PRKN: variants seen among roughly 807,000 people sequenced by gnomAD.
The protein encoded by PRKN is E3 ubiquitin-protein ligase parkin.
A neutral mutation model predicts 59.5 loss-of-function variants in PRKN; 56 were observed. That is an observed-to-expected ratio of 0.94 (90% CI 0.76 to 1.18). The LOEUF (loss-of-function observed/expected upper bound fraction) is 1.18, where lower values mean the gene tolerates loss of function less well. Among genes scored for constraint, PRKN ranks in the 50% most tolerant of loss-of-function variants. The pLI, the probability that PRKN is intolerant of heterozygous loss-of-function variation, is 0.00. For synonymous variants in PRKN, 250 were observed against 222.1 expected, an observed-to-expected ratio of 1.13 and a Z score of -1.12; for missense variants, 657 against 596.4, an observed-to-expected ratio of 1.10 and a Z score of -1.06.
intron 7 of PRKN, among the ~76,000 whole-genome samples, chr6:161,574,048 G>A (rs1230254070): frequency 6.6e-6 from 1 of 151,648 alleles, no homozygotes; most frequent in Non-Finnish European, 1.5e-5. Context: ...TGAAACACCT[G>A]GTAGGTTCAA....
At chr6:162,262,803 A>G in intron 2 of PRKN, 38 bp from the exon 3 acceptor site, 3 of 1,547,842 alleles carry the variant, frequency 1.9e-6, no homozygotes, top group East Asian at 2.3e-5. Flanking sequence ...AAAAAAAAAA[A>G]GGAAATGTCA....
chr6:162,439,232 G>A (rs576118408), intron 2 of PRKN, among the ~76,000 whole-genome samples: 3 of 152,058 alleles, frequency 2.0e-5, no homozygotes, highest in African/African-American at 7.2e-5. Context: ...ATGTTGCTAG[G>A]CAGCCCCTTT....
intron 7 of PRKN, among the ~76,000 whole-genome samples, chr6:161,672,962 A>G (rs1784961713): frequency 6.6e-6 from 1 of 152,214 alleles, no homozygotes. Flanking sequence ...GACAGTATCA[A>G]TGGAACATGC....
intron 6 of PRKN, among the ~76,000 whole-genome samples, chr6:161,856,178 G>A (rs549118755): frequency 4.9e-4 from 74 of 152,150 alleles, no homozygotes; most frequent in Admixed American, 8.5e-4. Context: ...TGGTCAACAC[G>A]GTGAAACCCA....
chr6:162,376,416 G>A (rs527662339), intron 2 of PRKN, among the ~76,000 whole-genome samples: 3 of 152,074 alleles, frequency 2.0e-5, no homozygotes, highest in South Asian at 2.1e-4. Flanking sequence ...CCTGACCACT[G>A]TAATCCCTCA....
chr6:162,536,621 C>T (rs543839339), intron 1 of PRKN, among the ~76,000 whole-genome samples: 13 of 152,142 alleles, frequency 8.5e-5, no homozygotes, highest in South Asian at 2.1e-4. Context: ...GCTGTGATAC[C>T]GGCAAACTTC....
rs978217339 is a variant in PRKN at position 161,554,685 on chromosome 6, T to C, written c.934-5682A>G. ...TTTCTTACAGTATACATATAAGGAA[T>C]ATACAATCCTGATATACATACAGGG... On this transcript the variant is annotated intron_variant, in intron 8 of 11. Coordinates refer to ENST00000366898, the MANE Select transcript of PRKN (RefSeq NM_004562.3). The surrounding 1 kb of genome is among the most constrained non-coding windows in gnomAD (Gnocchi z 4.5). Among the ~76,000 whole-genome samples the C allele has an allele frequency of 4.0e-5, 6 of 151,000 alleles. No individual in the cohort carries two copies. Among genetic ancestry groups the C allele is most frequent in the Non-Finnish European group, 8.8e-5 (6 of 67,862 alleles).
At chr6:161,609,071 G>C (rs984425636) in intron 7 of PRKN, among the ~76,000 whole-genome samples, 5 of 152,238 alleles carry the variant, frequency 3.3e-5, no homozygotes, top group Middle Eastern at 6.8e-3. Context: ...CAGCACTCTT[G>C]CTTGTTGAGA....
intron 7 of PRKN, among the ~76,000 whole-genome samples, chr6:161,678,262 C>T (rs1224815683): frequency 2.6e-5 from 3 of 114,070 alleles, no homozygotes; most frequent in African/African-American, 3.6e-5. Context: ...GAACCACAGG[C>T]CCATAAGATC....
intron 1 of PRKN, among the ~76,000 whole-genome samples, chr6:162,502,836 GT>G (rs1442979890): frequency 6.6e-6 from 1 of 152,002 alleles, no homozygotes; most frequent in Non-Finnish European, 1.5e-5. Context: ...TATCCAACTA[GT>G]TTGGAATAAA....
At chr6:162,306,121 A>G (rs1460019536) in intron 2 of PRKN, among the ~76,000 whole-genome samples, 1 of 151,656 alleles carries the variant, frequency 6.6e-6, no homozygotes, top group African/African-American at 2.4e-5. Context: ...CCCAAATAGT[A>G]TATTGTAAAT....
intron 9 of PRKN, among the ~76,000 whole-genome samples, chr6:161,439,833 C>T (rs1469207617): frequency 6.6e-6 from 1 of 152,122 alleles, no homozygotes; most frequent in Admixed American, 6.5e-5. Context: ...ATTATGCAAG[C>T]AATCTCGTGG....
At chr6:162,343,984 T>C (rs901652524) in intron 2 of PRKN, among the ~76,000 whole-genome samples, 1 of 152,192 alleles carries the variant, frequency 6.6e-6, no homozygotes, top group Non-Finnish European at 1.5e-5. Context: ...TCACTCCCTC[T>C]CTGGCACCTT....
chr6:161,513,795 G>A (rs1778488627), intron 9 of PRKN, among the ~76,000 whole-genome samples: 1 of 152,064 alleles, frequency 6.6e-6, no homozygotes, highest in African/African-American at 2.4e-5. Context: ...AGCATGGGAG[G>A]TGGGCTTATC....
chr6:162,273,301 A>C (rs1180463263), intron 2 of PRKN, among the ~76,000 whole-genome samples: 2 of 152,106 alleles, frequency 1.3e-5, no homozygotes, highest in African/African-American at 2.4e-5. Flanking sequence ...CTACAGTTTC[A>C]GGTGTGAGGC....
intron 4 of PRKN, among the ~76,000 whole-genome samples, chr6:162,086,923 T>C (rs1026088948): frequency 1.9e-4 from 29 of 152,166 alleles, no homozygotes; most frequent in Non-Finnish European, 1.3e-4. Flanking sequence ...GAAGAATTAA[T>C]TATACATGAA....
At position 161,945,318 on chromosome 6, in the gene PRKN, C is replaced by G. The variant is rs115510858; in HGVS notation, c.734+27984G>C. Among the ~76,000 whole-genome samples, 438 of 152,244 alleles carry G rather than the reference C, an allele frequency of 2.9e-3. 5 individuals carry two copies. The highest frequency in any genetic ancestry group is 9.7e-3 in the African/African-American group (404 of 41,536). ...TAATACGGCCCGCTCATTTGTAAAT[C>G]ACATGGCTTTAGTAAGCAAAGATGC... is the stretch of plus-strand genomic sequence containing the variant. On this transcript the variant is annotated intron_variant, in intron 6 of 11. Transcript: ENST00000366898.
At chr6:161,912,668 G>T (rs1778408259) in intron 6 of PRKN, among the ~76,000 whole-genome samples, 1 of 152,006 alleles carries the variant, frequency 6.6e-6, no homozygotes, top group African/African-American at 2.4e-5. Flanking sequence ...CAAGAACTGA[G>T]GCCCCAGGAC....
intron 7 of PRKN, among the ~76,000 whole-genome samples, chr6:161,602,104 T>TTATCTATC (rs75473524): frequency 0.19 from 28,325 of 150,406 alleles, 2,877 homozygotes; most frequent in Middle Eastern, 0.28. Flanking sequence ...TTAGGGGAGA[T>TTATCTATC]TATCTATCTA....
Sources: gnomAD v4.1 joint callset for allele counts (sites outside exome capture counted in the v4.1 genomes callset) on GRCh38, gnomAD v4.1.1 for gene constraint, Gnocchi (gnomAD v3.1) non-coding constraint, MANE v1.5 for transcripts, NCBI Gene and HGNC (gene_info 2026-07-23, HGNC 2026-07-21) for gene names.